CASS4: variants seen among roughly 807,000 people sequenced by gnomAD.
The protein encoded by CASS4 is Cas scaffold protein family member 4.
A neutral mutation model predicts 54.2 loss-of-function variants in CASS4; 22 were observed. That is an observed-to-expected ratio of 0.41 (90% CI 0.29 to 0.58). The LOEUF (loss-of-function observed/expected upper bound fraction) is 0.58, where lower values mean the gene tolerates loss of function less well. CASS4 is among the 20% of genes least tolerant of loss of function. CASS4 has a pLI of 0.36. For synonymous variants in CASS4, 409 were observed against 391.5 expected, an observed-to-expected ratio of 1.04 and a Z score of -0.53; for missense variants, 854 against 986.7, an observed-to-expected ratio of 0.87 and a Z score of 1.80.
chr20:56,423,544 A>G (rs1979505846), intron 1 of CASS4, among the ~76,000 whole-genome samples: 1 of 151,932 alleles, frequency 6.6e-6, no homozygotes, highest in African/African-American at 2.4e-5. Context: ...ACTTTATTTT[A>G]TTTATTTATT....
rs568097945 is a variant in CASS4 at position 56,412,455 on chromosome 20, C to T, written c.-4C>T. The T allele has an allele frequency of 1.1e-5, 17 of 1,612,292 alleles. No homozygotes were observed. In the African/African-American group the frequency reaches 1.3e-4, roughly 13 times the overall value. ...GCTCAGGGGAGCTGCTCCACATCAC[C>T]GACATGAAGGGAACAGGCATCATGG... On this transcript the variant is annotated 5_prime_UTR_variant, in exon 1 of 6. Coordinates refer to ENST00000679887, the MANE Select transcript of CASS4 (RefSeq NM_020356.4). This position sits in a 1 kb window ranked among gnomAD's most constrained non-coding sequence, Gnocchi z 4.2.
rs1178419893 is a variant in CASS4 at position 56,460,099 on chromosome 20, CATAAAT to C, written c.*1356_*1361del. On this transcript the variant is annotated 3_prime_UTR_variant, in exon 6 of 6. Coordinates refer to ENST00000679887, the MANE Select transcript of CASS4 (RefSeq NM_020356.4). ...ACAAATTATGTATGTGTCTTGCACC[CATAAAT>C]ATATATTTTTGCTATGTTACTTTAA... 6.6e-6 allele frequency: 1 copy of C among 152,384 alleles called. No homozygotes were observed. The highest frequency in any genetic ancestry group is 6.6e-5 in the Admixed American group (1 of 15,262). The allele number at this position is 152,384 out of a possible 1,614,324, so 9.4% of individuals were successfully genotyped here.
At chr20:56,446,440 AT>A (rs931520287) in intron 3 of CASS4, among the ~76,000 whole-genome samples, 29 of 152,102 alleles carry the variant, frequency 1.9e-4, no homozygotes, top group African/African-American at 5.8e-4. Context: ...ATACACACAC[AT>A]TTTTTTAAAT....
chr20:56,428,045 C>T (rs1417922001), intron 1 of CASS4, among the ~76,000 whole-genome samples: 1 of 152,188 alleles, frequency 6.6e-6, no homozygotes, highest in Non-Finnish European at 1.5e-5. Flanking sequence ...TGGGGAACTT[C>T]CTTATTTACC....
rs142890117 is a variant in CASS4 at position 56,437,149 on chromosome 20, C to G, written c.37-15C>G. On this transcript the variant is annotated splice_polypyrimidine_tract_variant and intron_variant, in intron 1 of 5. Coordinates refer to ENST00000679887, the MANE Select transcript of CASS4 (RefSeq NM_020356.4). This position sits in a 1 kb window ranked among gnomAD's most constrained non-coding sequence, Gnocchi z 4.7. ...GTGCTAACTGCAAATTCTCTTCTCCCCTCTCCACCCACAGGCACTCCTGGC... is the reference window on the plus strand; with the variant it reads ...GTGCTAACTGCAAATTCTCTTCTCCGCTCTCCACCCACAGGCACTCCTGGC... 4.9e-4 allele frequency: 746 copies of G among 1,525,622 alleles called. 5 individuals carry two copies. The African/African-American group carries it at 9.4e-3, about 19-fold the overall frequency. 94.5% of individuals were successfully genotyped at this position (1,525,622 alleles called of 1,614,324 possible).
rs1979829625 is a variant in CASS4, at chr20:56,430,037, A to C, written c.37-7127A>C. 6.6e-6 allele frequency among the ~76,000 whole-genome samples: 1 copy of C among 152,188 alleles called. No homozygotes were observed. Among genetic ancestry groups the C allele is most frequent in the African/African-American group, 2.4e-5 (1 of 41,458 alleles). ...CATGAGATCAGAAACAGTTTTGTTC[A>C]CCACGATGCCTCCAGCAGAGCCCCT... On this transcript the variant is annotated intron_variant, in intron 1 of 5. Transcript: ENST00000679887. This position sits in a 1 kb window ranked among gnomAD's most constrained non-coding sequence, Gnocchi z 4.2.
rs575720850 is a variant in CASS4, at chr20:56,415,633, A to G, written c.36+3139A>G. On this transcript the variant is annotated intron_variant, in intron 1 of 5. Coordinates refer to ENST00000679887, the MANE Select transcript of CASS4 (RefSeq NM_020356.4). ...TTATAAATGGTAGCACAATGCTTCA[A>G]GGGGTCATGTCATGTCAGTGGTCCT... Among the ~76,000 whole-genome samples, 5 of 152,326 alleles carry G rather than the reference A, an allele frequency of 3.3e-5. No homozygotes were observed. The East Asian group carries it at 9.6e-4, about 29-fold the overall frequency.
chr20:56,421,533 A>G (rs1308208571), intron 1 of CASS4, among the ~76,000 whole-genome samples: 3 of 152,086 alleles, frequency 2.0e-5, no homozygotes, highest in Non-Finnish European at 2.9e-5. Flanking sequence ...TATCTCTACA[A>G]AAAATTTTTA....
rs530900974 is a variant in CASS4, at chr20:56,430,548, A to G, written c.37-6616A>G. Among the ~76,000 whole-genome samples, 3 of 152,288 alleles carry G rather than the reference A, an allele frequency of 2.0e-5. No individual in the cohort carries two copies. The highest frequency in any genetic ancestry group is 4.8e-5 in the African/African-American group (2 of 41,552). ...GTGAGTGGCCTCAGCAACCATTGCA[A>G]TGGTTACTGGATGCCTTTGGAGTGG... On this transcript the variant is annotated intron_variant, in intron 1 of 5. Transcript: ENST00000679887. This position sits in a 1 kb window ranked among gnomAD's most constrained non-coding sequence, Gnocchi z 4.2.
intron 3 of CASS4, 50 bp from the exon 4 acceptor site, chr20:56,450,549 C>T (rs1980946746): frequency 6.6e-7 from 1 of 1,523,076 alleles, no homozygotes; most frequent in East Asian, 2.3e-5. Context: ...TGATGTGTAG[C>T]CATTAGGAAA....
At chr20:56,424,678 T>A (rs533661394) in intron 1 of CASS4, among the ~76,000 whole-genome samples, 2 of 146,572 alleles carry the variant, frequency 1.4e-5, no homozygotes, top group East Asian at 4.0e-4. Flanking sequence ...GTGGCAGAGG[T>A]TGCAGTGAGC....
intron 2 of CASS4, among the ~76,000 whole-genome samples, chr20:56,438,954 C>T: frequency 6.6e-6 from 1 of 152,232 alleles, no homozygotes; most frequent in East Asian, 1.9e-4. Flanking sequence ...GAAGAACATG[C>T]TCCAGGCATA....
In CASS4 at chr20:56,424,090, GT is replaced by G. The variant is rs1159899700; in HGVS notation, c.36+11604del. ...ATCTCTCACTTAACTACTTTGCTAA[GT>G]TTTTTTTAAACAGCTCCAAGAGAAA... is the stretch of plus-strand genomic sequence containing the variant. On this transcript the variant is annotated intron_variant, in intron 1 of 5. Coordinates refer to ENST00000679887, the MANE Select transcript of CASS4 (RefSeq NM_020356.4). Among the ~76,000 whole-genome samples, 23 of 152,146 alleles carry G rather than the reference GT, an allele frequency of 1.5e-4. No homozygotes were observed. In the South Asian group the frequency reaches 4.8e-3, roughly 32 times the overall value.
At chr20:56,417,616 G>C (rs1569133151) in intron 1 of CASS4, among the ~76,000 whole-genome samples, 1 of 152,224 alleles carries the variant, frequency 6.6e-6, no homozygotes, top group African/African-American at 2.4e-5. Context: ...GCCTACAACA[G>C]TGCCTGCACA....
intron 2 of CASS4, among the ~76,000 whole-genome samples, chr20:56,445,033 C>T (rs780670482): frequency 1.3e-5 from 2 of 152,070 alleles, no homozygotes; most frequent in African/African-American, 4.8e-5. Flanking sequence ...TCGCTTGAAT[C>T]CAGGAGGCGG....
rs758545822 is a variant in CASS4 at position 56,452,996 on chromosome 20, A to T, written c.1820A>T (p.Lys607Met). Residue 607 changes from lysine to methionine, a missense_variant, in exon 5 of 6, where the codon AAG becomes ATG. Lys to Met is a moderately conservative substitution (Grantham distance 95). Transcript: ENST00000679887. ...TVQLTPNAEF[K>M]CEKYIQPPQR... ...CAGTTGACCCCAAATGCAGAATTTA[A>T]GTGTGAAAAATACATCCAGCCTCCC... The T allele has an allele frequency of 6.2e-7, 1 of 1,614,132 alleles. No individual in the cohort carries two copies. The highest frequency in any genetic ancestry group is 1.1e-5 in the South Asian group (1 of 91,082).
chr20:56,456,075 A>G (rs143180254), intron 5 of CASS4, among the ~76,000 whole-genome samples: 1 of 103,770 alleles, frequency 9.6e-6, no homozygotes, highest in East Asian at 5.7e-4. Flanking sequence ...TGGTCCAAGG[A>G]CCTCACTTGG....
chr20:56,440,762 A>G (rs1980415623), intron 2 of CASS4, among the ~76,000 whole-genome samples: 2 of 152,312 alleles, frequency 1.3e-5, no homozygotes, highest in African/African-American at 4.8e-5. Context: ...TGCATCAACC[A>G]TTTGAGGCCT....
Position 56,437,342 on chromosome 20 carries a change from C to T in CASS4, c.215C>T (p.Thr72Met), listed in dbSNP as rs775410880. ...LAPANRLQIL[T>M]EVAADRPCPP... ...CCTGCCAACCGCCTCCAAATCCTCA[C>T]GGAGGTCGCTGCAGACAGGCCGTGC... Residue 72 changes from threonine to methionine, a missense_variant, in exon 2 of 6, where the codon ACG becomes ATG. Coordinates refer to ENST00000679887, the MANE Select transcript of CASS4 (RefSeq NM_020356.4). The surrounding 1 kb of genome is among the most constrained non-coding windows in gnomAD (Gnocchi z 4.7). The T allele has an allele frequency of 6.2e-6, 10 of 1,613,882 alleles. No individual in the cohort carries two copies. Among genetic ancestry groups the T allele is most frequent in the African/African-American group, 2.7e-5 (2 of 74,940 alleles).
Sources: gnomAD v4.1 joint callset for allele counts (sites outside exome capture counted in the v4.1 genomes callset) on GRCh38, gnomAD v4.1.1 for gene constraint, Gnocchi (gnomAD v3.1) non-coding constraint, MANE v1.5 for transcripts, NCBI Gene and HGNC (gene_info 2026-07-23, HGNC 2026-07-21) for gene names.